The following GRIP1 variants were observed in gnomAD, a reference collection of about 807,000 sequenced individuals.
GRIP1 encodes glutamate receptor-interacting protein 1.
Under a neutral mutation model 129.9 loss-of-function variants are expected in GRIP1, and 45 were observed. That is an observed-to-expected ratio of 0.35 (90% confidence interval 0.27 to 0.44). The LOEUF is 0.44. Among genes scored for constraint, GRIP1 ranks in the 20% least tolerant of loss-of-function variants. GRIP1 has a pLI of 1.00. For missense variants in GRIP1, 1,196 were observed against 1,396.8 expected, an observed-to-expected ratio of 0.86 and a Z score of 2.29; for synonymous variants, 530 against 520.8, an observed-to-expected ratio of 1.02 and a Z score of -0.24.
At position 66,420,022 on chromosome 12, in the gene GRIP1, A is replaced by C. The variant is rs1368404310; in HGVS notation, c.1838+698T>G. Among the ~76,000 whole-genome samples, 9 of 152,268 alleles carry C rather than the reference A, an allele frequency of 5.9e-5. No homozygotes were observed. In the East Asian group the frequency reaches 1.7e-3, roughly 29 times the overall value. ...TGGGGCAGGAGAATCGCTTGAACCC[A>C]GGAGACAGAGGTTTCAGTGAGCCGA... On this transcript the variant is annotated intron_variant, in intron 15 of 24. Coordinates refer to ENST00000359742, the MANE Select transcript of GRIP1 (RefSeq NM_001366722.1).
intron 15 of GRIP1, among the ~76,000 whole-genome samples, chr12:66,416,578 T>A (rs2057611896): frequency 6.6e-6 from 1 of 152,132 alleles, no homozygotes; most frequent in African/African-American, 2.4e-5. Flanking sequence ...AAGGAGACAT[T>A]ATAACTGATA....
intron 7 of GRIP1, among the ~76,000 whole-genome samples, chr12:66,513,089 T>C (rs1316349351): frequency 6.6e-6 from 1 of 152,168 alleles, no homozygotes; most frequent in Non-Finnish European, 1.5e-5. Context: ...CATTTACTTA[T>C]TAGTTGAACA....
chr12:66,379,881 A>G (rs745659760), intron 19 of GRIP1, among the ~76,000 whole-genome samples: 5 of 152,058 alleles, frequency 3.3e-5, no homozygotes, highest in Non-Finnish European at 7.4e-5. Flanking sequence ...GCCACTTTAC[A>G]AACAAAAGAC....
At chr12:66,769,502 A>G (rs1401281260) in intron 1 of GRIP1, among the ~76,000 whole-genome samples, 1 of 152,108 alleles carries the variant, frequency 6.6e-6, no homozygotes, top group Non-Finnish European at 1.5e-5. Context: ...AGAAGTGAGA[A>G]ACAGCGAATT....
chr12:66,783,932 A>T (rs1423825291), intron 1 of GRIP1, among the ~76,000 whole-genome samples: 1 of 152,220 alleles, frequency 6.6e-6, no homozygotes, highest in Non-Finnish European at 1.5e-5. Context: ...AGGCTCATTC[A>T]TCATGCATTG....
chr12:66,752,378 A>G (rs181165643), intron 1 of GRIP1, among the ~76,000 whole-genome samples: 1 of 152,322 alleles, frequency 6.6e-6, no homozygotes, highest in East Asian at 1.9e-4. Context: ...AGTTTGAAGC[A>G]TAAAATAACA....
intron 1 of GRIP1, among the ~76,000 whole-genome samples, chr12:66,651,966 G>A (rs1051309055): frequency 1.3e-5 from 2 of 152,092 alleles, no homozygotes; most frequent in African/African-American, 4.8e-5. Context: ...GGAAATACTT[G>A]TGAGAAAAAT....
chr12:66,784,310 A>G (rs1424586084), intron 1 of GRIP1, among the ~76,000 whole-genome samples: 1 of 152,222 alleles, frequency 6.6e-6, no homozygotes, highest in African/African-American at 2.4e-5. Flanking sequence ...CTCTGACCTC[A>G]GAATTTCCCA....
intron 1 of GRIP1, among the ~76,000 whole-genome samples, chr12:66,742,426 T>A (rs531546880): frequency 6.6e-5 from 10 of 152,164 alleles, no homozygotes; most frequent in Non-Finnish European, 1.5e-4. Flanking sequence ...AAGGGCATCC[T>A]GACAAGACTA....
chr12:66,566,424 T>A (rs544034873), intron 2 of GRIP1, among the ~76,000 whole-genome samples: 1 of 152,342 alleles, frequency 6.6e-6, no homozygotes, highest in Non-Finnish European at 1.5e-5. Context: ...ATAATGTTTA[T>A]TGATTTTAGT....
intron 14 of GRIP1, among the ~76,000 whole-genome samples, chr12:66,422,241 C>T (rs985473372): frequency 1.3e-5 from 2 of 152,234 alleles, no homozygotes; most frequent in Non-Finnish European, 2.9e-5. Context: ...ACCTTACCCA[C>T]TGTCTAAATT....
intron 2 of GRIP1, among the ~76,000 whole-genome samples, chr12:66,592,965 G>A (rs1392845774): frequency 6.6e-6 from 1 of 152,088 alleles, no homozygotes; most frequent in Non-Finnish European, 1.5e-5. Context: ...AACTAATGGG[G>A]AGAAATGAAA....
chr12:67,020,739 T>A (rs975586592), intron 1 of GRIP1, among the ~76,000 whole-genome samples: 1 of 152,162 alleles, frequency 6.6e-6, no homozygotes, highest in Non-Finnish European at 1.5e-5. Context: ...GATTTAAACA[T>A]AATATAATTT....
chr12:66,433,002 A>C (rs1375379622), intron 13 of GRIP1, among the ~76,000 whole-genome samples: 1 of 152,188 alleles, frequency 6.6e-6, no homozygotes, highest in African/African-American at 2.4e-5. Flanking sequence ...CAGGCATAGT[A>C]AAGTTTAAGA....
chr12:66,927,345 C>T (rs935091345), intron 1 of GRIP1, among the ~76,000 whole-genome samples: 1 of 152,156 alleles, frequency 6.6e-6, no homozygotes, highest in Non-Finnish European at 1.5e-5. Context: ...TAGAGATACA[C>T]AGCCAACAAA....
upstream of GRIP1, among the ~76,000 whole-genome samples, chr12:66,808,768 T>C (rs1279374433): frequency 6.6e-6 from 1 of 152,198 alleles, no homozygotes; most frequent in African/African-American, 2.4e-5. Flanking sequence ...CACCCATAAA[T>C]AAACATGTGC....
rs142165323 is a variant in GRIP1 at position 66,831,177 on chromosome 12, T to C, written c.59-234250A>G. Among the ~76,000 whole-genome samples, 186 of 152,154 alleles carry C rather than the reference T, an allele frequency of 1.2e-3. 2 individuals are homozygous for C. The highest frequency in any genetic ancestry group is 3.9e-3 in the African/African-American group (161 of 41,522). On this transcript the variant is annotated intron_variant, in intron 1 of 1. Coordinates refer to the GRIP1 transcript ENST00000643019. The stretch of plus-strand genomic sequence containing the variant: ...CTTCCTCAGGAACCATCTGAAACTA[T>C]TGCTCAAAAAAAGTAATATCTGAAT...
chr12:66,771,968 A>T (rs1231561830), intron 1 of GRIP1, among the ~76,000 whole-genome samples: 1 of 152,234 alleles, frequency 6.6e-6, no homozygotes, highest in African/African-American at 2.4e-5. Context: ...CCACAGGAAA[A>T]TTATAATAAA....
chr12:67,036,034 G>A (rs1435649650), intron 1 of GRIP1, among the ~76,000 whole-genome samples: 7 of 152,094 alleles, frequency 4.6e-5, no homozygotes, highest in Admixed American at 4.6e-4. Flanking sequence ...ATGTAAATAT[G>A]ACTTCTCTTC....
Sources: allele counts gnomAD v4.1 joint callset (sites outside exome capture counted in the v4.1 genomes callset), GRCh38; gene constraint gnomAD v4.1.1; transcripts MANE v1.5; gene names NCBI Gene and HGNC (gene_info 2026-07-23, HGNC 2026-07-21).